The following RIPOR3 variants were observed in gnomAD, a reference collection of about 807,000 sequenced individuals.
RIPOR3 encodes family with sequence similarity 65 member C.
In RIPOR3, 95 loss-of-function variants were observed where a neutral mutation model predicts 114.3. The ratio of observed to expected loss-of-function variants is 0.83; its 90% CI spans 0.70 to 0.99. RIPOR3 has a LOEUF of 0.99. Ranked by LOEUF, RIPOR3 falls within the 50% of genes least tolerant of loss-of-function variation. RIPOR3 has a pLI of 0.00. For synonymous variants in RIPOR3, 575 were observed against 543.8 expected, an observed-to-expected ratio of 1.06 and a Z score of -0.80; for missense variants, 1,252 against 1,266.9, an observed-to-expected ratio of 0.99 and a Z score of 0.18.
At chr20:50,655,004 C>T (rs1016678287) in intron 1 of RIPOR3, among the ~76,000 whole-genome samples, 3 of 152,224 alleles carry the variant, frequency 2.0e-5, no homozygotes, top group Admixed American at 2.0e-4. Flanking sequence ...CCAACTAGGC[C>T]CCCCAGAGTG....
At chr20:50,596,044 C>G in intron 15 of RIPOR3, 96 bp downstream of exon 15, 1 of 1,543,998 alleles carries the variant, frequency 6.5e-7, no homozygotes, top group Non-Finnish European at 8.8e-7. Flanking sequence ...GGTCTGTCAC[C>G]CCTTCATGCT....
chr20:50,633,882 A>T (rs564328377), intron 1 of RIPOR3, among the ~76,000 whole-genome samples: 27 of 151,466 alleles, frequency 1.8e-4, no homozygotes, highest in African/African-American at 6.5e-4. Flanking sequence ...CAATGGCCCC[A>T]TTTTTCATAT....
chr20:50,620,621 A>G (rs1318635192), intron 2 of RIPOR3: 4 of 175,198 alleles, frequency 2.3e-5, no homozygotes, highest in Non-Finnish European at 4.7e-5. Flanking sequence ...AGTGAGACTC[A>G]GTCTTAAAAA....
chr20:50,604,845 G>A, intron 11 of RIPOR3, 71 bp from the exon 12 acceptor site: 1 of 1,564,882 alleles, frequency 6.4e-7, no homozygotes, highest in Non-Finnish European at 8.6e-7. Context: ...ACGGCCCACA[G>A]GGCTCTTAGG....
In RIPOR3 at chr20:50,608,638, G is replaced by T. The variant is rs200366680; in HGVS notation, c.785C>A (p.Thr262Lys). 1.5e-5 allele frequency: 24 copies of T among 1,614,028 alleles called. No homozygotes were observed. The highest frequency in any genetic ancestry group is 1.9e-5 in the Non-Finnish European group (23 of 1,179,914). ...CTTGATGTCCAGGTTCTCATGCAGC[G>T]TGGGGATGAAGGCCTTCTCCTCTTC... The part of the protein sequence containing the change: ...WDEEEKAFIP[T>K]LHENLDIKVT... Residue 262 changes from threonine (T) to lysine (K), a missense_variant, in exon 10 of 22, where the codon ACG becomes AAG. Thr to Lys is a moderately conservative substitution (Grantham distance 78). Coordinates refer to ENST00000327979, the MANE Select transcript of RIPOR3 (RefSeq NM_001290268.2).
At chr20:50,686,851 C>T (rs2087046110) in intron 1 of RIPOR3, among the ~76,000 whole-genome samples, 1 of 152,148 alleles carries the variant, frequency 6.6e-6, no homozygotes, top group Non-Finnish European at 1.5e-5. Context: ...TTGCGTTTCT[C>T]TTAGCTAATG....
At chr20:50,686,125 C>T (rs1331400321) in intron 1 of RIPOR3, among the ~76,000 whole-genome samples, 2 of 151,964 alleles carry the variant, frequency 1.3e-5, no homozygotes, top group African/African-American at 4.8e-5. Flanking sequence ...GGCGCAATCT[C>T]GGCTCACTGC....
intron 1 of RIPOR3, among the ~76,000 whole-genome samples, chr20:50,689,692 G>C (rs1308012678): frequency 2.6e-5 from 4 of 152,138 alleles, no homozygotes; most frequent in African/African-American, 9.7e-5. Context: ...GGGTGGAACT[G>C]GGTAGGGTGA....
chr20:50,667,210 C>A (rs1454144909), intron 1 of RIPOR3, among the ~76,000 whole-genome samples: 1 of 152,076 alleles, frequency 6.6e-6, no homozygotes, highest in African/African-American at 2.4e-5. Context: ...ACCTCCACCC[C>A]ATCCCCAAAC....
At chr20:50,666,060 C>G (rs1811385798) in intron 1 of RIPOR3, among the ~76,000 whole-genome samples, 1 of 151,362 alleles carries the variant, frequency 6.6e-6, no homozygotes. Context: ...TTTTTCCATT[C>G]AGGCCCCAGA....
intron 1 of RIPOR3, among the ~76,000 whole-genome samples, chr20:50,683,322 G>T (rs2086918209): frequency 1.3e-5 from 2 of 152,170 alleles, no homozygotes; most frequent in Admixed American, 6.5e-5. Flanking sequence ...TGGGACCATG[G>T]GTTCACAGGC....
In RIPOR3 at chr20:50,592,936, G is replaced by A. The variant is rs997054661; in HGVS notation, c.2374+99C>T. On this transcript the variant is annotated intron_variant, in intron 18 of 21. Transcript: ENST00000327979. ...GGGTTCCCAAAAGAACAGTTGGCGGGGATGGATGTAGTGGTTCTGAATTAT... is the reference window on the plus strand; with the variant it reads ...GGGTTCCCAAAAGAACAGTTGGCGGAGATGGATGTAGTGGTTCTGAATTAT... 1.1e-5 allele frequency: 16 copies of A among 1,424,528 alleles called. No individual in the cohort carries two copies. The African/African-American group carries it at 1.3e-4, about 11-fold the overall frequency. 88.2% of individuals were successfully genotyped at this position (1,424,528 alleles called of 1,614,324 possible).
chr20:50,630,113 A>C (rs1286566367), intron 2 of RIPOR3, among the ~76,000 whole-genome samples: 6 of 152,054 alleles, frequency 3.9e-5, no homozygotes, highest in Non-Finnish European at 8.8e-5. Flanking sequence ...GATTACAGGC[A>C]TGTGCCACCA....
intron 1 of RIPOR3, among the ~76,000 whole-genome samples, chr20:50,675,476 C>T (rs190985840): frequency 6.6e-6 from 1 of 152,324 alleles, no homozygotes; most frequent in Non-Finnish European, 1.5e-5. Context: ...TTAAGGGACT[C>T]ATAGCTGGAT....
intron 1 of RIPOR3, among the ~76,000 whole-genome samples, chr20:50,687,085 C>T (rs1032113010): frequency 2.0e-5 from 3 of 152,226 alleles, no homozygotes; most frequent in Admixed American, 6.5e-5. Flanking sequence ...GGGCATCATT[C>T]GCTGTGCATG....
In RIPOR3 at chr20:50,630,775, A is replaced by C; in HGVS notation, c.85T>G (p.Phe29Val). 1.2e-6 allele frequency: 2 copies of C among 1,612,540 alleles called. No homozygotes were observed. The highest frequency in any genetic ancestry group is 1.7e-6 in the Non-Finnish European group (2 of 1,179,670). Reference protein sequence around the residue: ...AVGVVGRSASFAGFSSAQSRR... With the variant: ...AVGVVGRSASVAGFSSAQSRR... ...CTCTGTGCACTGCTGAAGCCTGCGA[A>C]GGAGGCGCTCCGGCCCACGACCCCC... is the stretch of plus-strand genomic sequence containing the variant. Residue 29 changes from phenylalanine to valine, a missense_variant, in exon 2 of 22, where the codon TTC (phenylalanine) becomes GTC (valine). By Grantham distance (50) the Phe-to-Val change is conservative. Coordinates refer to ENST00000327979, the MANE Select transcript of RIPOR3 (RefSeq NM_001290268.2).
chr20:50,607,813 G>C (rs1441606636), intron 11 of RIPOR3, among the ~76,000 whole-genome samples: 1 of 152,182 alleles, frequency 6.6e-6, no homozygotes, highest in South Asian at 2.1e-4. Flanking sequence ...ACAGAGCAGA[G>C]GAGTGTCCTC....
intron 1 of RIPOR3, among the ~76,000 whole-genome samples, chr20:50,634,316 T>G (rs1032124340): frequency 5.3e-5 from 8 of 152,086 alleles, no homozygotes; most frequent in Non-Finnish European, 8.8e-5. Context: ...GTCTGGCTCT[T>G]CCTTCTTCCA....
intron 4 of RIPOR3, among the ~76,000 whole-genome samples, chr20:50,613,631 G>A (rs1191864031): frequency 1.3e-5 from 2 of 152,244 alleles, no homozygotes; most frequent in Middle Eastern, 3.4e-3. Flanking sequence ...GCTCCAGTGC[G>A]GTCACTGTGC....
Sources: allele counts gnomAD v4.1 joint callset (sites outside exome capture counted in the v4.1 genomes callset), GRCh38; gene constraint gnomAD v4.1.1; transcripts MANE v1.5; gene names NCBI Gene and HGNC (gene_info 2026-07-23, HGNC 2026-07-21).